The following KIAA1328 variants were observed in gnomAD, a reference collection of about 807,000 sequenced individuals.
KIAA1328 encodes KIAA1328, also known as protein hinderin.
Under a neutral mutation model 68.1 loss-of-function variants are expected in KIAA1328, and 52 were observed. The observed-to-expected ratio is 0.76, with a 90% confidence interval of 0.61 to 0.96. The LOEUF is 0.96. KIAA1328 is among the 40% of genes least tolerant of loss of function. KIAA1328 has a pLI of 0.00. For missense variants in KIAA1328, 641 were observed against 677.6 expected (o/e 0.95, Z 0.60); for synonymous variants, 232 against 239.4 (o/e 0.97, Z 0.28).
chr18:36,911,027 C>T (rs944484692), intron 5 of KIAA1328, among the ~76,000 whole-genome samples: 4 of 152,070 alleles, frequency 2.6e-5, no homozygotes, highest in African/African-American at 9.7e-5. Flanking sequence ...TACTACTCTC[C>T]AATGGTGGCT....
intron 6 of KIAA1328, among the ~76,000 whole-genome samples, chr18:37,023,868 A>G (rs1272979126): frequency 6.6e-6 from 1 of 152,150 alleles, no homozygotes; most frequent in Non-Finnish European, 1.5e-5. Context: ...GGTAAATTGT[A>G]TGTAATGGGG....
intron 5 of KIAA1328, among the ~76,000 whole-genome samples, chr18:36,957,113 A>C (rs2051450775): frequency 1.3e-5 from 2 of 152,274 alleles, no homozygotes; most frequent in Admixed American, 1.3e-4. Flanking sequence ...TAATGGAGCA[A>C]TTGGTTATTT....
At chr18:37,198,694 A>G (rs1470289151) in intron 9 of KIAA1328, among the ~76,000 whole-genome samples, 10 of 152,244 alleles carry the variant, frequency 6.6e-5, no homozygotes, top group Admixed American at 5.9e-4. Context: ...ATGTCCTTCA[A>G]TGTAAAAGGA....
At chr18:36,920,061 G>T (rs1397243722) in intron 5 of KIAA1328, among the ~76,000 whole-genome samples, 2 of 151,972 alleles carry the variant, frequency 1.3e-5, no homozygotes, top group African/African-American at 2.4e-5. Flanking sequence ...GCTGGGCAGT[G>T]GTCCCACTTG....
chr18:36,848,909 A>C (rs572930870), intron 4 of KIAA1328, among the ~76,000 whole-genome samples: 1 of 151,544 alleles, frequency 6.6e-6, no homozygotes, highest in East Asian at 1.9e-4. Flanking sequence ...CTTAAGCCTC[A>C]TTTGGTCATG....
intron 5 of KIAA1328, chr18:36,895,922 G>T: frequency 2.7e-6 from 1 of 373,554 alleles, no homozygotes; most frequent in Non-Finnish European, 5.4e-6. Flanking sequence ...TGAAAGCCAA[G>T]AGAGCCCTCA....
At chr18:37,191,091 CT>C (rs749751026) in intron 9 of KIAA1328, among the ~76,000 whole-genome samples, 1 of 152,174 alleles carries the variant, frequency 6.6e-6, no homozygotes, top group Admixed American at 6.5e-5. Context: ...CAATATATCT[CT>C]ACCTATGTGG....
chr18:37,137,041 G>C (rs1054379779), intron 7 of KIAA1328, among the ~76,000 whole-genome samples: 1 of 152,090 alleles, frequency 6.6e-6, no homozygotes, highest in African/African-American at 2.4e-5. Flanking sequence ...TGAAATTCCA[G>C]CTTTTTCTTT....
intron 7 of KIAA1328, among the ~76,000 whole-genome samples, chr18:37,088,941 A>G (rs997713012): frequency 1.3e-5 from 2 of 152,130 alleles, no homozygotes; most frequent in Non-Finnish European, 2.9e-5. Flanking sequence ...GTTGAATTAG[A>G]GTTAGCACTC....
intron 7 of KIAA1328, among the ~76,000 whole-genome samples, chr18:37,143,454 A>G (rs1269197910): frequency 2.0e-5 from 3 of 150,350 alleles, no homozygotes; most frequent in East Asian, 3.9e-4. Context: ...GAAATTCACA[A>G]TCTCATTGCC....
At chr18:37,080,425 A>G (rs952514243) in intron 7 of KIAA1328, among the ~76,000 whole-genome samples, 1 of 152,188 alleles carries the variant, frequency 6.6e-6, no homozygotes, top group African/African-American at 2.4e-5. Flanking sequence ...GCCTTTGTGA[A>G]GGAAATATAT....
At chr18:37,153,577 CT>C (rs1456370136) in intron 7 of KIAA1328, among the ~76,000 whole-genome samples, 1 of 146,226 alleles carries the variant, frequency 6.8e-6, no homozygotes, top group Non-Finnish European at 1.5e-5. Context: ...CATGTATTCT[CT>C]TTCCGTGTTC....
At chr18:37,067,746 G>A (rs949890604) in intron 7 of KIAA1328, among the ~76,000 whole-genome samples, 1 of 152,136 alleles carries the variant, frequency 6.6e-6, no homozygotes, top group East Asian at 1.9e-4. Flanking sequence ...TTTTAGTAGA[G>A]ACGGGGTTTC....
chr18:36,905,300 A>T (rs1360488385), intron 5 of KIAA1328, among the ~76,000 whole-genome samples: 1 of 151,756 alleles, frequency 6.6e-6, no homozygotes, highest in Non-Finnish European at 1.5e-5. Flanking sequence ...TTTAGTAGAG[A>T]TGAGTTTCAT....
intron 5 of KIAA1328, among the ~76,000 whole-genome samples, chr18:36,949,648 T>G (rs2051074795): frequency 1.7e-5 from 2 of 118,900 alleles, no homozygotes; most frequent in South Asian, 2.8e-4. Context: ...AGAAATAAGG[T>G]AGGGACTTAG....
At chr18:36,855,484 A>G (rs1246408530) in intron 4 of KIAA1328, among the ~76,000 whole-genome samples, 1 of 151,754 alleles carries the variant, frequency 6.6e-6, no homozygotes, top group Non-Finnish European at 1.5e-5. Flanking sequence ...TCCTTTCTCC[A>G]TTTTTTAATT....
In KIAA1328 at chr18:37,222,621, G is replaced by A. The variant is rs1787627; in HGVS notation, c.*394G>A. 171,080 of 1,031,382 alleles carry A rather than the reference G, an allele frequency of 0.17. 21,218 individuals are homozygous for A. Among genetic ancestry groups the A allele is most frequent in the African/African-American group, 0.63 (36,510 of 57,864 alleles). The allele number at this position is 1,031,382 out of a possible 1,614,324, so 63.9% of individuals were successfully genotyped here. ...AACCTTTCCACTGAAAAATCCCTCT[G>A]ATTTAAAAGTAACCCCTTTGAAACA... On this transcript the variant is annotated 3_prime_UTR_variant, in exon 10 of 10. Transcript: ENST00000280020.
chr18:37,206,620 G>C (rs960085254), intron 9 of KIAA1328, among the ~76,000 whole-genome samples: 4 of 152,264 alleles, frequency 2.6e-5, no homozygotes, highest in Admixed American at 2.6e-4. Flanking sequence ...AAAAGGCCTC[G>C]TTTGACTAGG....
intron 5 of KIAA1328, among the ~76,000 whole-genome samples, chr18:36,915,487 A>G (rs1315590332): frequency 1.3e-5 from 2 of 152,216 alleles, no homozygotes; most frequent in African/African-American, 4.8e-5. Context: ...CTCAACAATA[A>G]GAAAACAATC....
Sources: gnomAD v4.1 joint callset for allele counts (sites outside exome capture counted in the v4.1 genomes callset) on GRCh38, gnomAD v4.1.1 for gene constraint, MANE v1.5 for transcripts, NCBI Gene and HGNC (gene_info 2026-07-23, HGNC 2026-07-21) for gene names.